The following FOXP2 variants were observed in gnomAD, a reference collection of about 807,000 sequenced individuals.
FOXP2 encodes forkhead box protein P2.
Under a neutral mutation model 115.8 loss-of-function variants are expected in FOXP2, and 12 were observed. That is an observed-to-expected ratio of 0.10 (90% confidence interval 0.07 to 0.17). The LOEUF (loss-of-function observed/expected upper bound fraction) is 0.17. Ranked by LOEUF, FOXP2 falls within the 10% of genes least tolerant of loss-of-function variation. The pLI, the probability that FOXP2 is intolerant of heterozygous loss-of-function variation, is 1.00. For missense variants in FOXP2, 629 were observed against 843.5 expected, an observed-to-expected ratio of 0.75 and a Z score of 3.15; for synonymous variants, 328 against 297.7, an observed-to-expected ratio of 1.10 and a Z score of -1.05.
At chr7:114,505,602 T>C (rs1797771070) in intron 2 of FOXP2, among the ~76,000 whole-genome samples, 2 of 151,414 alleles carry the variant, frequency 1.3e-5, no homozygotes, top group South Asian at 2.1e-4. Flanking sequence ...GTTTTTGTGC[T>C]GTCTAATTGA....
rs1388023301 is a variant in FOXP2, at chr7:114,324,792, A to G, written c.-11+36683A>G. ...TTTAAAAATTGCCCCTTTGCTGTTT[A>G]TCAGTGCTAGTACTTATTTTGTCAT... On this transcript the variant is annotated intron_variant, in intron 2 of 17. Coordinates refer to the FOXP2 transcript ENST00000634411. 2.6e-5 allele frequency among the ~76,000 whole-genome samples: 4 copies of G among 152,002 alleles called. No individual in the cohort carries two copies. The East Asian group carries it at 7.7e-4, about 29-fold the overall frequency.
intron 2 of FOXP2, among the ~76,000 whole-genome samples, chr7:114,290,284 A>G (rs1426592855): frequency 6.6e-6 from 1 of 151,996 alleles, no homozygotes; most frequent in Admixed American, 6.6e-5. Context: ...AATACTTATA[A>G]CATGGGAACT....
At chr7:114,551,291 T>C (rs1175999045) in intron 3 of FOXP2, among the ~76,000 whole-genome samples, 2 of 152,174 alleles carry the variant, frequency 1.3e-5, no homozygotes, top group African/African-American at 4.8e-5. Context: ...CCATAGGGGA[T>C]TCAAAGATGT....
chr7:114,271,590 T>G (rs1796045570), intron 1 of FOXP2, among the ~76,000 whole-genome samples: 1 of 124,468 alleles, frequency 8.0e-6, no homozygotes, highest in Non-Finnish European at 1.6e-5. Flanking sequence ...ATTAATATTA[T>G]TATAATATAA....
In FOXP2 at chr7:114,627,936, A is replaced by T. The variant is rs548414778; in HGVS notation, c.259-604A>T. Among the ~76,000 whole-genome samples, 527 of 151,910 alleles carry T rather than the reference A, an allele frequency of 3.5e-3. 1 individual carries two copies. The highest frequency in any genetic ancestry group is 4.9e-3 in the Non-Finnish European group (330 of 67,944). On this transcript the variant is annotated intron_variant, in intron 3 of 16. Transcript: ENST00000350908. ...TCTGGATATACACACAGACACACAC[A>T]CACATATATATATATATCTCCTATA...
chr7:114,654,306 A>G (rs1032301152), intron 10 of FOXP2, among the ~76,000 whole-genome samples: 1 of 152,182 alleles, frequency 6.6e-6, no homozygotes, highest in Admixed American at 6.6e-5. Flanking sequence ...AGGTTTACAG[A>G]TATTAAAAGG....
At chr7:114,139,032 G>A (rs2129146716) in intron 1 of FOXP2, among the ~76,000 whole-genome samples, 1 of 152,082 alleles carries the variant, frequency 6.6e-6, no homozygotes, top group African/African-American at 2.4e-5. Context: ...TTTAACATTG[G>A]GTATATGTTG....
intron 2 of FOXP2, among the ~76,000 whole-genome samples, chr7:114,427,812 T>G (rs1793924857): frequency 6.6e-6 from 1 of 151,624 alleles, no homozygotes; most frequent in Non-Finnish European, 1.5e-5. Flanking sequence ...TTGAATAATG[T>G]CTTAACCTTT....
At chr7:114,126,000 C>T (rs1054283737) in intron 1 of FOXP2, among the ~76,000 whole-genome samples, 1 of 152,096 alleles carries the variant, frequency 6.6e-6, no homozygotes, top group African/African-American at 2.4e-5. Context: ...TAAGAACCTA[C>T]TGCAAGTGAG....
intron 3 of FOXP2, among the ~76,000 whole-genome samples, chr7:114,537,163 T>G (rs1348007932): frequency 6.6e-6 from 1 of 151,654 alleles, no homozygotes; most frequent in Non-Finnish European, 1.5e-5. Flanking sequence ...TTTAAAAGTT[T>G]TCTTATATAA....
intron 2 of FOXP2, among the ~76,000 whole-genome samples, chr7:114,362,216 A>C (rs2129187752): frequency 6.6e-6 from 1 of 152,192 alleles, no homozygotes; most frequent in Non-Finnish European, 1.5e-5. Flanking sequence ...CGTAAGACTG[A>C]TGTAAGCTTA....
intron 2 of FOXP2, among the ~76,000 whole-genome samples, chr7:114,288,279 TC>T (rs1356551503): frequency 6.6e-6 from 1 of 151,946 alleles, no homozygotes; most frequent in Non-Finnish European, 1.5e-5. Flanking sequence ...GAAATATTAA[TC>T]ACTGCTATTG....
chr7:114,675,924 T>A (rs953923252), intron 16 of FOXP2, among the ~76,000 whole-genome samples: 5 of 150,952 alleles, frequency 3.3e-5, no homozygotes, highest in Admixed American at 2.0e-4. Context: ...TATTATTATT[T>A]TTTGAGACGG....
intron 3 of FOXP2, among the ~76,000 whole-genome samples, chr7:114,617,431 A>G (rs539312470): frequency 2.0e-4 from 31 of 152,216 alleles, no homozygotes; most frequent in Non-Finnish European, 3.8e-4. Context: ...GAATATTTCT[A>G]AAATTCAAAT....
intron 3 of FOXP2, among the ~76,000 whole-genome samples, chr7:114,569,290 C>T (rs926448881): frequency 2.6e-5 from 4 of 151,882 alleles, no homozygotes; most frequent in African/African-American, 9.7e-5. Flanking sequence ...AGTTCTTCAA[C>T]TTGTACTGTT....
At chr7:114,161,664 A>ATATATATATATATATATAT (rs1173363796), upstream of FOXP2, among the ~76,000 whole-genome samples, 1 of 151,908 alleles carries the variant, frequency 6.6e-6, no homozygotes, top group African/African-American at 2.4e-5. Flanking sequence ...GTATATATAT[A>ATATATATATATATATATAT]ATTTTGCTTT....
At chr7:114,500,877 A>G (rs1797538573) in intron 2 of FOXP2, among the ~76,000 whole-genome samples, 2 of 152,194 alleles carry the variant, frequency 1.3e-5, no homozygotes, top group South Asian at 4.1e-4. Context: ...AAACTAATTT[A>G]ATTGTGCCTA....
intron 2 of FOXP2, among the ~76,000 whole-genome samples, chr7:114,384,366 T>C (rs1430426615): frequency 6.6e-6 from 1 of 152,210 alleles, no homozygotes; most frequent in Non-Finnish European, 1.5e-5. Context: ...GCTAACCTTT[T>C]GAGTCAGGAT....
intron 2 of FOXP2, among the ~76,000 whole-genome samples, chr7:114,318,710 C>CATAT (rs144291161): frequency 0.012 from 1,787 of 147,334 alleles, 42 homozygotes; most frequent in African/African-American, 0.041. Context: ...TTAGATAATT[C>CATAT]ATATATATAT....
Sources: allele counts gnomAD v4.1 joint callset (sites outside exome capture counted in the v4.1 genomes callset), GRCh38; gene constraint gnomAD v4.1.1; transcripts MANE v1.5; gene names NCBI Gene and HGNC (gene_info 2026-07-23, HGNC 2026-07-21).